DENND2B: variants seen among roughly 807,000 people sequenced by gnomAD.
DENND2B encodes DENN domain containing 2B.
DENND2B carries 32 observed loss-of-function variants against 116.0 expected under a neutral mutation model. The ratio of observed to expected loss-of-function variants is 0.28; its 90% CI spans 0.21 to 0.37. The LOEUF is 0.37. DENND2B is among the 10% of genes least tolerant of loss of function. DENND2B has a pLI of 1.00. For synonymous variants in DENND2B, 588 were observed against 583.9 expected (o/e 1.01, Z -0.10); for missense variants, 1,276 against 1,477.7 (o/e 0.86, Z 2.24).
At chr11:8,873,860 G>T (rs1000089413), upstream of DENND2B, among the ~76,000 whole-genome samples, 3 of 152,146 alleles carry the variant, frequency 2.0e-5, no homozygotes, top group Non-Finnish European at 4.4e-5. Flanking sequence ...GAATGAAATC[G>T]CCATGGAAGG....
chr11:8,768,337 CTT>C (rs1354550273), intron 1 of DENND2B, among the ~76,000 whole-genome samples: 1 of 152,172 alleles, frequency 6.6e-6, no homozygotes, highest in Admixed American at 6.6e-5. Flanking sequence ...CAGCCTAAAA[CTT>C]GGGCTCAAGT....
At chr11:8,778,846 T>A (rs895668106) in intron 1 of DENND2B, among the ~76,000 whole-genome samples, 1 of 152,196 alleles carries the variant, frequency 6.6e-6, no homozygotes, top group African/African-American at 2.4e-5. Context: ...AAGAAACCCA[T>A]GGTAAAGATG....
In DENND2B at chr11:8,754,024, A is replaced by AGT. The variant is rs1555169702; in HGVS notation, c.-25-3300_-25-3299insAC. Among the ~76,000 whole-genome samples, 953 of 142,868 alleles carry AGT rather than the reference A, an allele frequency of 6.7e-3. 15 individuals carry two copies. The highest frequency in any genetic ancestry group is 0.023 in the African/African-American group (887 of 38,436). The allele number at this position is 142,868 out of a possible 152,430, so 93.7% of individuals were successfully genotyped here. On this transcript the variant is annotated intron_variant, in intron 1 of 19. Coordinates refer to ENST00000313726, the MANE Select transcript of DENND2B (RefSeq NM_213618.2). ...ATGGTTTCTTAGATATAACACCAAA[A>AGT]GCGCGCACACACACACACACACACA...
At chr11:8,802,689 T>C (rs60869409) in intron 1 of DENND2B, among the ~76,000 whole-genome samples, 37,642 of 152,144 alleles carry the variant, frequency 0.25, 5,188 homozygotes, top group East Asian at 0.44. Context: ...CAGAAAACAC[T>C]GGCATTTTTC....
chr11:8,827,386 G>C (rs1355677809), intron 4 of DENND2B, among the ~76,000 whole-genome samples: 5 of 152,214 alleles, frequency 3.3e-5, no homozygotes, highest in Admixed American at 3.3e-4. Flanking sequence ...TCTCAAACCC[G>C]AGCAGATAAA....
intron 3 of DENND2B, among the ~76,000 whole-genome samples, chr11:8,844,325 G>A (rs909714600): frequency 2.6e-5 from 4 of 152,152 alleles, no homozygotes; most frequent in East Asian, 1.9e-4. Context: ...GCTTGAGCCC[G>A]GGAGATCGAG....
At position 8,693,577 on chromosome 11, in the gene DENND2B, G is replaced by A. The variant is rs2039794104; in HGVS notation, c.*519C>T. On this transcript the variant is annotated 3_prime_UTR_variant, in exon 20 of 20. Transcript: ENST00000313726. ...CCATGCTACAAATGGGGACTGATTG[G>A]CCTTTGCCTTTCAAAAACAGAGGGT... is the stretch of plus-strand genomic sequence containing the variant. 6.5e-6 allele frequency: 1 copy of A among 152,964 alleles called. No homozygotes were observed. Among genetic ancestry groups the A allele is most frequent in the African/African-American group, 2.4e-5 (1 of 41,460 alleles). 9.5% of individuals were successfully genotyped at this position (152,964 alleles called of 1,614,324 possible). A position where few individuals can be genotyped will look rare whatever the true frequency, so the allele number is the denominator to read the frequency against.
chr11:8,715,890 G>A, intron 5 of DENND2B, 72 bp from the exon 6 acceptor site: 1 of 1,430,150 alleles, frequency 7.0e-7, no homozygotes, highest in African/African-American at 1.4e-5. Context: ...CTGCTGGGAT[G>A]GGGACACAGA....
At chr11:8,774,342 A>G in intron 1 of DENND2B, 2 of 984,950 alleles carry the variant, frequency 2.0e-6, no homozygotes, top group South Asian at 4.7e-5. Context: ...AGTTCTGACT[A>G]GTGAAAGCAC....
At chr11:8,765,340 G>A (rs1436217607) in intron 1 of DENND2B, among the ~76,000 whole-genome samples, 2 of 152,176 alleles carry the variant, frequency 1.3e-5, no homozygotes, top group Non-Finnish European at 2.9e-5. Flanking sequence ...GTGTGCTGAG[G>A]TGCCCCAAAG....
intron 1 of DENND2B, among the ~76,000 whole-genome samples, chr11:8,801,741 C>T (rs1351204935): frequency 2.0e-5 from 3 of 150,902 alleles, no homozygotes; most frequent in Non-Finnish European, 4.4e-5. Flanking sequence ...CAGTGGCTCA[C>T]GTCTGTAATC....
At position 8,702,960 on chromosome 11, in the gene DENND2B, A is replaced by G; in HGVS notation, c.2572-240T>C. ...TGCCTGTGAAAGCGGGGAAGGCTCC[A>G]GAAGGAAGGAGTTGAGGGGCCATCC... On this transcript the variant is annotated intron_variant, in intron 13 of 19. Coordinates refer to ENST00000313726, the MANE Select transcript of DENND2B (RefSeq NM_213618.2). The surrounding 1 kb of genome is among the most constrained non-coding windows in gnomAD (Gnocchi z 4.6). The G allele has an allele frequency of 3.8e-6, 2 of 527,374 alleles. No individual in the cohort carries two copies. Among genetic ancestry groups the G allele is most frequent in the East Asian group, 3.3e-5 (1 of 30,184 alleles). The allele number at this position is 527,374 out of a possible 1,614,324, so 32.7% of individuals were successfully genotyped here.
chr11:8,777,701 G>A (rs1489584754), intron 1 of DENND2B, among the ~76,000 whole-genome samples: 1 of 152,104 alleles, frequency 6.6e-6, no homozygotes, highest in Non-Finnish European at 1.5e-5. Flanking sequence ...CTTTTTCCCA[G>A]AACCAGAAGA....
intron 14 of DENND2B, among the ~76,000 whole-genome samples, chr11:8,700,401 C>T (rs2041333824): frequency 6.6e-6 from 1 of 152,186 alleles, no homozygotes; most frequent in Non-Finnish European, 1.5e-5. Context: ...CCTTTCTAAA[C>T]CCTGGTGCTC....
chr11:8,696,913 A>G (rs1416748848), intron 17 of DENND2B, among the ~76,000 whole-genome samples: 2 of 152,148 alleles, frequency 1.3e-5, no homozygotes, highest in Non-Finnish European at 2.9e-5. Context: ...CCTCCCAAGT[A>G]GCTGGGATTA....
At chr11:8,773,366 C>T (rs1025602952) in intron 1 of DENND2B, among the ~76,000 whole-genome samples, 13 of 152,166 alleles carry the variant, frequency 8.5e-5, no homozygotes, top group Non-Finnish European at 1.8e-4. Flanking sequence ...ACAGGCCTCA[C>T]CCCAGAGACG....
chr11:8,706,667 A>G (rs1043236680), intron 13 of DENND2B, among the ~76,000 whole-genome samples: 1 of 152,166 alleles, frequency 6.6e-6, no homozygotes, highest in African/African-American at 2.4e-5. Flanking sequence ...TAACACATTT[A>G]GGAATTATCT....
chr11:8,848,831 G>T (rs2062898315), intron 3 of DENND2B, among the ~76,000 whole-genome samples: 1 of 151,638 alleles, frequency 6.6e-6, no homozygotes. Context: ...AATATTTATT[G>T]GGTATCTACT....
rs200752970 is a variant in DENND2B at position 8,730,993 on chromosome 11, G to C, written c.297C>G (p.Phe99Leu). ...CCGAAGGGCTTCTGTCCAAATAACCGAAGCTGGCGGTCTTGAAGGGACAGG... is the reference window on the plus strand; with the variant it reads ...CCGAAGGGCTTCTGTCCAAATAACCCAAGCTGGCGGTCTTGAAGGGACAGG... ...PPTCPFKTAS[F>L]GYLDRSPSAC... The change falls in exon 3 of 20, where the codon TTC becomes TTG. Residue 99 changes from phenylalanine (F) to leucine (L), a missense_variant. By Grantham distance (22) the Phe-to-Leu change is conservative. Around this residue, in one of 2 missense-constraint regions of DENND2B, gnomAD observed 856 missense variants for 846.6 expected, o/e 1.01. Coordinates refer to ENST00000313726, the MANE Select transcript of DENND2B (RefSeq NM_213618.2). This position sits in a 1 kb window ranked among gnomAD's most constrained non-coding sequence, Gnocchi z 4.1. 4 of 1,614,218 alleles carry C rather than the reference G, an allele frequency of 2.5e-6. No homozygotes were observed. The highest frequency in any genetic ancestry group is 2.5e-6 in the Non-Finnish European group (3 of 1,180,048).
Sources: gnomAD v4.1 joint callset for allele counts (sites outside exome capture counted in the v4.1 genomes callset) on GRCh38, gnomAD v4.1.1 for gene constraint, gnomAD v4.1.1 regional missense constraint, Gnocchi (gnomAD v3.1) non-coding constraint, MANE v1.5 for transcripts, NCBI Gene and HGNC (gene_info 2026-07-23, HGNC 2026-07-21) for gene names.